FBXO31: variants seen among roughly 807,000 people sequenced by gnomAD.
The protein encoded by FBXO31 is F-box protein 31, also known as F-box only protein 31.
FBXO31 carries 24 observed loss-of-function variants against 54.4 expected under a neutral mutation model. The ratio of observed to expected loss-of-function variants is 0.44; its 90% CI spans 0.32 to 0.62. The LOEUF is 0.62. Among genes scored for constraint, FBXO31 ranks in the 20% least tolerant of loss-of-function variants. The probability of loss-of-function intolerance (pLI) is 0.05; values close to 1 mark genes in which losing one functional copy is unlikely to be tolerated. For missense variants in FBXO31, 665 were observed against 787.1 expected (o/e 0.84, Z 1.86); for synonymous variants, 388 against 335.6 (o/e 1.16, Z -1.71).
intron 1 of FBXO31, among the ~76,000 whole-genome samples, chr16:87,378,577 C>G (rs1334981058): frequency 6.6e-6 from 1 of 152,228 alleles, no homozygotes; most frequent in Non-Finnish European, 1.5e-5. Context: ...GGAAATCACT[C>G]TGGGAAGCAC....
At chr16:87,376,138 G>C (rs1400433530) in intron 1 of FBXO31, among the ~76,000 whole-genome samples, 1 of 152,122 alleles carries the variant, frequency 6.6e-6, no homozygotes, top group African/African-American at 2.4e-5. Flanking sequence ...AAACACGCAA[G>C]CCTCACCCAC....
Position 87,383,496 on chromosome 16 carries a change from C to T in FBXO31, c.249G>A (p.Pro83=), listed in dbSNP as rs533905280. The T allele has an allele frequency of 1.3e-6, 2 of 1,587,696 alleles. No individual in the cohort carries two copies. The highest frequency in any genetic ancestry group is 1.1e-5 in the South Asian group (1 of 87,544). The change falls in exon 1 of 9, where the codon CCG becomes CCA. Residue 83 remains proline (P), a synonymous_variant. Transcript: ENST00000311635. The surrounding 1 kb of genome is among the most constrained non-coding windows in gnomAD (Gnocchi z 4.9). The part of the protein sequence containing the change: ...ELLVEIFASL[P]GTDLPSLAQV... ...GGGCCAAGCTGGGTAGGTCCGTGCCCGGCAGCGACGCGAAGATCTCCACCA... is the reference window on the plus strand; with the variant it reads ...GGGCCAAGCTGGGTAGGTCCGTGCCTGGCAGCGACGCGAAGATCTCCACCA...
At chr16:87,381,928 C>T (rs569266140) in intron 1 of FBXO31, among the ~76,000 whole-genome samples, 7 of 151,814 alleles carry the variant, frequency 4.6e-5, no homozygotes, top group Non-Finnish European at 8.8e-5. Flanking sequence ...GAGGCTGATG[C>T]GGGAGAATCA....
chr16:87,390,770 C>CT (rs1405981781), upstream of FBXO31, among the ~76,000 whole-genome samples: 1 of 151,882 alleles, frequency 6.6e-6, no homozygotes, highest in Non-Finnish European at 1.5e-5. Context: ...TTTTTTTCTT[C>CT]TTTTTTGTGG....
chr16:87,367,476 T>G (rs1906418689), intron 1 of FBXO31: 1 of 152,262 alleles, frequency 6.6e-6, no homozygotes, highest in Admixed American at 6.5e-5. Flanking sequence ...TGGCTCTTCC[T>G]GAGACCCACC....
intron 1 of FBXO31, 64 bp from the exon 2 acceptor site, chr16:87,360,430 G>A: frequency 2.2e-6 from 3 of 1,393,950 alleles, no homozygotes; most frequent in Non-Finnish European, 3.0e-6. Flanking sequence ...GACGTGGGCA[G>A]GCTGCTGATG....
At chr16:87,341,564 T>C (rs904730127) in intron 5 of FBXO31, among the ~76,000 whole-genome samples, 8 of 141,348 alleles carry the variant, frequency 5.7e-5, no homozygotes, top group Non-Finnish European at 1.0e-4. Context: ...GCTGAGGCAG[T>C]AGAACTGCCT....
intron 2 of FBXO31, among the ~76,000 whole-genome samples, chr16:87,353,067 T>C (rs144842603): frequency 4.6e-5 from 7 of 152,272 alleles, no homozygotes; most frequent in African/African-American, 1.7e-4. Context: ...TGGATTAACA[T>C]GAGCTCTATT....
At chr16:87,355,327 G>A (rs2150682679) in intron 2 of FBXO31, among the ~76,000 whole-genome samples, 1 of 152,320 alleles carries the variant, frequency 6.6e-6, no homozygotes, top group East Asian at 1.9e-4. Flanking sequence ...GCCAATCAGG[G>A]CAGACTTTTC....
chr16:87,375,649 G>T (rs1042417337), intron 1 of FBXO31, among the ~76,000 whole-genome samples: 1 of 152,118 alleles, frequency 6.6e-6, no homozygotes, highest in Non-Finnish European at 1.5e-5. Context: ...GAAAGTGAAG[G>T]CTTCTTTATA....
chr16:87,365,010 A>AATATATATATATATATAT lies in FBXO31; in HGVS notation c.341-4662_341-4645dup, dbSNP rs55746745. ...TGACAGAGCGAGACCCCGTCTCTTA[A>AATATATATATATATATAT]ATATATATATATATATATATATATA... On this transcript the variant is annotated intron_variant, in intron 1 of 8. Transcript: ENST00000311635. 8.1e-3 allele frequency among the ~76,000 whole-genome samples: 385 copies of AATATATATATATATATAT among 47,594 alleles called. 41 individuals carry two copies. Among genetic ancestry groups the AATATATATATATATATAT allele is most frequent in the East Asian group, 9.7e-3 (11 of 1,132 alleles). The allele number at this position is 47,594 out of a possible 152,430, so 31.2% of individuals were successfully genotyped here.
At chr16:87,373,451 C>CA (rs1906687494) in intron 1 of FBXO31, among the ~76,000 whole-genome samples, 2 of 150,592 alleles carry the variant, frequency 1.3e-5, no homozygotes, top group African/African-American at 4.9e-5. Flanking sequence ...GACGCTGTCT[C>CA]AAAAAAAATA....
chr16:87,369,239 G>A (rs1337472069), intron 1 of FBXO31, among the ~76,000 whole-genome samples: 1 of 151,838 alleles, frequency 6.6e-6, no homozygotes, highest in Non-Finnish European at 1.5e-5. Flanking sequence ...TACGGCTCAC[G>A]GGGACTCAGC....
rs747440641 is a variant in FBXO31, at chr16:87,336,253, C to T, written c.744G>A (p.Thr248=). The T allele has an allele frequency of 1.9e-5, 30 of 1,614,012 alleles. 1 individual carries two copies. The highest frequency in any genetic ancestry group is 6.7e-5 in the East Asian group (3 of 44,886). Residue 248 remains threonine (T), a synonymous_variant, in exon 6 of 9, where the codon ACG becomes ACA. Transcript: ENST00000311635. The surrounding 1 kb of genome is among the most constrained non-coding windows in gnomAD (Gnocchi z 6.5). ...TGCGCCCCCATTCCTCCCTCAGCCA[C>T]GTCCGAAACTCCTTCCAAAAGAACA... ...MSGGRQEEFR[T]WLREEWGRTL...
chr16:87,350,733 C>A (rs2150679463), intron 2 of FBXO31, among the ~76,000 whole-genome samples: 1 of 150,310 alleles, frequency 6.7e-6, no homozygotes, highest in Admixed American at 6.7e-5. Context: ...AAAAAAAAAA[C>A]ACTATTCAGC....
rs1597355238 is a variant in FBXO31 at position 87,330,645 on chromosome 16, G to C, written c.*643C>G. On this transcript the variant is annotated 3_prime_UTR_variant, in exon 9 of 9. Coordinates refer to ENST00000311635, the MANE Select transcript of FBXO31 (RefSeq NM_024735.5). ...GGTCACTAAACCCACTCCACAGGTG[G>C]GGAAGCTGAGATCAGAGGTGAAATG... is the stretch of plus-strand genomic sequence containing the variant. 1 of 152,502 alleles carries C rather than the reference G, an allele frequency of 6.6e-6. No individual in the cohort carries two copies. The highest frequency in any genetic ancestry group is 6.5e-5 in the Admixed American group (1 of 15,284). 9.4% of individuals were successfully genotyped at this position (152,502 alleles called of 1,614,324 possible). A position where few individuals can be genotyped will look rare whatever the true frequency, so the allele number is the denominator to read the frequency against.
rs889845442 is a variant in FBXO31 at position 87,345,238 on chromosome 16, C to A, written c.490-1473G>T. Among the ~76,000 whole-genome samples, 15 of 151,982 alleles carry A rather than the reference C, an allele frequency of 9.9e-5. No individual in the cohort carries two copies. Among genetic ancestry groups the A allele is most frequent in the African/African-American group, 3.6e-4 (15 of 41,376 alleles). On this transcript the variant is annotated intron_variant, in intron 3 of 8. Coordinates refer to ENST00000311635, the MANE Select transcript of FBXO31 (RefSeq NM_024735.5). The surrounding 1 kb of genome is among the most constrained non-coding windows in gnomAD (Gnocchi z 4.9). The stretch of plus-strand genomic sequence containing the variant: ...AAGAACGATGGCAACAGTGACACCT[C>A]AGGGGCCAGCTGCCTGCCCAGAGCT...
chr16:87,343,091 C>T (rs1268949279), intron 4 of FBXO31, 140 bp from the exon 5 acceptor site: 7 of 656,062 alleles, frequency 1.1e-5, no homozygotes, highest in Admixed American at 7.9e-5. Flanking sequence ...ATGCGACCAA[C>T]GCGGTGCCAG....
upstream of FBXO31, among the ~76,000 whole-genome samples, chr16:87,391,119 G>T (rs1907526746): frequency 6.6e-6 from 1 of 152,176 alleles, no homozygotes; most frequent in Non-Finnish European, 1.5e-5. Flanking sequence ...AGGAGGCCGA[G>T]GCGGGAGGGT....
Sources: allele counts gnomAD v4.1 joint callset (sites outside exome capture counted in the v4.1 genomes callset), GRCh38; gene constraint gnomAD v4.1.1; non-coding constraint Gnocchi (gnomAD v3.1); transcripts MANE v1.5; gene names NCBI Gene and HGNC (gene_info 2026-07-23, HGNC 2026-07-21).